The following RBL1 variants were observed in gnomAD, a reference collection of about 807,000 sequenced individuals.
The protein encoded by RBL1 is retinoblastoma-like protein 1.
A neutral mutation model predicts 123.0 loss-of-function variants in RBL1; 82 were observed. The observed-to-expected ratio is 0.67, with a 90% CI of 0.56 to 0.80. The LOEUF is 0.80. Among genes scored for constraint, RBL1 ranks in the 30% least tolerant of loss-of-function variants. The pLI, the probability that RBL1 is intolerant of heterozygous loss-of-function variation, is 0.00. For missense variants in RBL1, 1,171 were observed against 1,299.6 expected (o/e 0.90, Z 1.52); for synonymous variants, 405 against 441.3 (o/e 0.92, Z 1.03).
At chr20:36,999,338 A>C (rs936339357) in intron 21 of RBL1, among the ~76,000 whole-genome samples, 1 of 152,102 alleles carries the variant, frequency 6.6e-6, no homozygotes, top group African/African-American at 2.4e-5. Context: ...GGGAGGTTGA[A>C]GCTGCAGTGA....
chr20:37,048,964 G>A (rs967673334), intron 11 of RBL1, among the ~76,000 whole-genome samples: 2 of 151,260 alleles, frequency 1.3e-5, no homozygotes, highest in Non-Finnish European at 2.9e-5. Context: ...CACTTTGGGA[G>A]GCCGAGGGGG....
intron 21 of RBL1, among the ~76,000 whole-genome samples, chr20:37,001,605 C>A (rs1600433328): frequency 6.6e-6 from 1 of 150,830 alleles, no homozygotes; most frequent in Non-Finnish European, 1.5e-5. Context: ...TCTCAAGTAC[C>A]CAGGGACACA....
At chr20:37,081,945 AT>A (rs1453445611) in intron 2 of RBL1, 7 of 455,400 alleles carry the variant, frequency 1.5e-5, no homozygotes, top group African/African-American at 1.4e-4. Context: ...TCCAATTATA[AT>A]ATCAGTAAAT....
At chr20:37,073,351 A>G (rs749858876) in intron 2 of RBL1, among the ~76,000 whole-genome samples, 3 of 152,190 alleles carry the variant, frequency 2.0e-5, no homozygotes, top group Non-Finnish European at 2.9e-5. Context: ...TAAAACTAAA[A>G]TAAGAAGCAA....
Position 37,055,587 on chromosome 20 carries a change from T to C in RBL1, c.1433A>G (p.Gln478Arg). ...CATTCCATGAAGTCTTCGTGTTTCC[T>C]GAACCATTACAGTCTCTAGTATTTT... is the stretch of plus-strand genomic sequence containing the variant. ...YYKILETVMV[Q>R]ETRRLHGMDM... The change falls in exon 11 of 22, where the codon CAG becomes CGG. Residue 478 changes from glutamine (Q) to arginine (R), a missense_variant. Gln to Arg is a conservative substitution (Grantham distance 43). Transcript: ENST00000373664. 1.2e-6 allele frequency: 2 copies of C among 1,614,164 alleles called. No individual in the cohort carries two copies. The highest frequency in any genetic ancestry group is 1.7e-6 in the Non-Finnish European group (2 of 1,180,016).
chr20:37,022,374 T>G (rs919431302), intron 17 of RBL1, among the ~76,000 whole-genome samples: 1 of 152,216 alleles, frequency 6.6e-6, no homozygotes, highest in African/African-American at 2.4e-5. Flanking sequence ...TTGCCCAGGC[T>G]GAGGTACAGT....
chr20:37,055,471 A>T (rs2064987858), intron 11 of RBL1, 82 bp downstream of exon 11: 2 of 1,598,126 alleles, frequency 1.3e-6, no homozygotes, highest in Non-Finnish European at 1.7e-6. Context: ...GACTCCCACA[A>T]CGCCTTACAG....
At position 37,067,006 on chromosome 20, in the gene RBL1, ATT is replaced by A. The variant is rs1226909966; in HGVS notation, c.670_671del (p.Asn224SerfsTer4). 6.2e-7 allele frequency: 1 copy of A among 1,608,436 alleles called. No individual in the cohort carries two copies. The highest frequency in any genetic ancestry group is 8.5e-7 in the Non-Finnish European group (1 of 1,176,422). On this transcript the variant is annotated frameshift_variant, in exon 5 of 22. Transcript: ENST00000373664. LOFTEE classifies it high-confidence loss of function. Reference protein sequence around the residue: ...IMCPNRQDLLNPSFKGLPSDF... With the variant: ...IMCPNRQDLLXPSFKGLPSDF... ...AAAAGGTCTTACCTTTAAATGATGGATTTAGCAAGTCTTGTCTATTTGGGCAC... is the reference window on the plus strand; with the variant it reads ...AAAAGGTCTTACCTTTAAATGATGGATAGCAAGTCTTGTCTATTTGGGCAC...
At chr20:37,078,196 C>G (rs150385596) in intron 2 of RBL1, among the ~76,000 whole-genome samples, 11 of 152,258 alleles carry the variant, frequency 7.2e-5, no homozygotes, top group African/African-American at 2.2e-4. Flanking sequence ...TTACTGATAA[C>G]TTTGTACTTG....
intron 2 of RBL1, among the ~76,000 whole-genome samples, chr20:37,076,593 A>T (rs1440969180): frequency 6.6e-6 from 1 of 152,226 alleles, no homozygotes; most frequent in Non-Finnish European, 1.5e-5. Context: ...ACACAATTTA[A>T]AACTTAAAAT....
At chr20:37,055,239 G>A (rs1256012397) in intron 11 of RBL1, among the ~76,000 whole-genome samples, 1 of 143,282 alleles carries the variant, frequency 7.0e-6, no homozygotes, top group Non-Finnish European at 1.5e-5. Flanking sequence ...TCCTTGGAAG[G>A]TATGGACAAA....
rs1341814246 is a variant in RBL1, at chr20:36,997,049, T to G, written c.*1710A>C. 1.3e-5 allele frequency: 2 copies of G among 152,226 alleles called. No homozygotes were observed. The highest frequency in any genetic ancestry group is 2.9e-5 in the Non-Finnish European group (2 of 68,036). 9.4% of individuals were successfully genotyped at this position (152,226 alleles called of 1,614,324 possible). A position where few individuals can be genotyped will look rare whatever the true frequency, so the allele number is the denominator to read the frequency against. ...GGTTAAACATAGGTGAGTTAAACAT[T>G]GTGCCTTTCCAAAATTAAGGTTTGC... is the stretch of plus-strand genomic sequence containing the variant. On this transcript the variant is annotated 3_prime_UTR_variant, in exon 22 of 22. Coordinates refer to ENST00000373664, the MANE Select transcript of RBL1 (RefSeq NM_002895.5).
chr20:37,061,625 A>G (rs1420188900), intron 8 of RBL1, among the ~76,000 whole-genome samples: 1 of 152,234 alleles, frequency 6.6e-6, no homozygotes, highest in Non-Finnish European at 1.5e-5. Flanking sequence ...TGAATTTTCC[A>G]TTAGATCTCT....
intron 2 of RBL1, among the ~76,000 whole-genome samples, chr20:37,080,211 T>C (rs1295058221): frequency 1.3e-5 from 2 of 152,190 alleles, no homozygotes; most frequent in South Asian, 4.1e-4. Context: ...TAGGCTGGAG[T>C]GCAGTGGCAA....
At chr20:37,051,067 C>T (rs985911139) in intron 11 of RBL1, among the ~76,000 whole-genome samples, 1 of 151,964 alleles carries the variant, frequency 6.6e-6, no homozygotes, top group African/African-American at 2.4e-5. Context: ...GGTTGGAGGA[C>T]AGTAGCTATT....
intron 19 of RBL1, among the ~76,000 whole-genome samples, chr20:37,016,390 A>G (rs1266093208): frequency 1.3e-5 from 2 of 151,806 alleles, no homozygotes; most frequent in African/African-American, 2.4e-5. Context: ...ACACTTATGT[A>G]AAAAGAATTG....
In RBL1 at chr20:37,071,005, C is replaced by T. The variant is rs559735593; in HGVS notation, c.291-2819G>A. On this transcript the variant is annotated intron_variant, in intron 2 of 21. Coordinates refer to ENST00000373664, the MANE Select transcript of RBL1 (RefSeq NM_002895.5). ...CTGCATCCCAGCTTCAAGCAATTTT[C>T]CTGCCTCTACCTCCTGACAGCTGGG... Among the ~76,000 whole-genome samples, 10 of 152,054 alleles carry T rather than the reference C, an allele frequency of 6.6e-5. No individual in the cohort carries two copies. The South Asian group carries it at 1.9e-3, about 28-fold the overall frequency.
At chr20:37,068,449 G>GT (rs946851076) in intron 2 of RBL1, among the ~76,000 whole-genome samples, 1 of 151,868 alleles carries the variant, frequency 6.6e-6, no homozygotes, top group African/African-American at 2.4e-5. Context: ...CCTCAATCAT[G>GT]TACTCCAGCC....
chr20:37,078,873 T>C (rs1283537296), intron 2 of RBL1, among the ~76,000 whole-genome samples: 3 of 149,324 alleles, frequency 2.0e-5, no homozygotes, highest in Admixed American at 6.7e-5. Flanking sequence ...GTCAAGATGG[T>C]CTTTTTTTGG....
Sources: allele counts gnomAD v4.1 joint callset (sites outside exome capture counted in the v4.1 genomes callset), GRCh38; gene constraint gnomAD v4.1.1; transcripts MANE v1.5; gene names NCBI Gene and HGNC (gene_info 2026-07-23, HGNC 2026-07-21).